Variants in FBXO36 observed in about 807,000 individuals in gnomAD.
The protein encoded by FBXO36 is F-box only protein 36.
FBXO36 carries 18 observed loss-of-function variants against 17.0 expected under a neutral mutation model. That is an observed-to-expected ratio of 1.06 (90% CI 0.73 to 1.57). The LOEUF (loss-of-function observed/expected upper bound fraction) is 1.57, where lower values mean the gene tolerates loss of function less well. FBXO36 is among the 40% of genes most tolerant of loss of function. The pLI, the probability that FBXO36 is intolerant of heterozygous loss-of-function variation, is 0.00. For missense variants in FBXO36, 229 were observed against 221.9 expected (o/e 1.03, Z -0.20); for synonymous variants, 83 against 85.3 (o/e 0.97, Z 0.15).
intron 1 of FBXO36, among the ~76,000 whole-genome samples, chr2:229,951,809 G>T (rs1446566914): frequency 6.6e-6 from 1 of 152,154 alleles, no homozygotes; most frequent in African/African-American, 2.4e-5. Flanking sequence ...TGGAAACAAG[G>T]AAAGATCTAG....
chr2:229,929,991 C>T (rs2076931303), intron 1 of FBXO36, among the ~76,000 whole-genome samples: 1 of 152,192 alleles, frequency 6.6e-6, no homozygotes, highest in Non-Finnish European at 1.5e-5. Context: ...AAGTCAGTAT[C>T]ATACTTGTGC....
intron 3 of FBXO36, among the ~76,000 whole-genome samples, chr2:230,000,500 A>G (rs139093855): frequency 0.025 from 3,736 of 151,988 alleles, 77 homozygotes; most frequent in Non-Finnish European, 0.039. Flanking sequence ...TTGATTTTCT[A>G]TCAAATCCTT....
At chr2:229,922,718 GC>G in intron 1 of FBXO36, 109 bp downstream of exon 1, 2 of 1,115,292 alleles carry the variant, frequency 1.8e-6, no homozygotes, top group Non-Finnish European at 2.6e-6. Flanking sequence ...CGCCGGAAGC[GC>G]CCAGTCCCGG....
At chr2:229,950,378 A>G (rs1233798975) in intron 1 of FBXO36, among the ~76,000 whole-genome samples, 2 of 152,154 alleles carry the variant, frequency 1.3e-5, no homozygotes, top group Non-Finnish European at 2.9e-5. Flanking sequence ...GTGAGCCGAG[A>G]TCACTCCACG....
chr2:229,978,318 C>T (rs1483954318), intron 2 of FBXO36, among the ~76,000 whole-genome samples: 1 of 149,364 alleles, frequency 6.7e-6, no homozygotes, highest in Non-Finnish European at 1.5e-5. Flanking sequence ...CACGGTGGCT[C>T]ACGCCTGTAA....
intron 2 of FBXO36, among the ~76,000 whole-genome samples, chr2:229,980,480 G>A (rs1179928233): frequency 6.6e-6 from 1 of 152,094 alleles, no homozygotes; most frequent in African/African-American, 2.4e-5. Context: ...CCTGGAGATG[G>A]GGATTTGGGC....
intron 2 of FBXO36, among the ~76,000 whole-genome samples, chr2:229,985,707 A>T (rs2077264750): frequency 6.6e-6 from 1 of 152,224 alleles, no homozygotes; most frequent in Admixed American, 6.5e-5. Context: ...ATGTTTTAAG[A>T]TTAAAAATTG....
chr2:229,956,267 T>G (rs1009107193), intron 1 of FBXO36, among the ~76,000 whole-genome samples: 1 of 152,228 alleles, frequency 6.6e-6, no homozygotes, highest in African/African-American at 2.4e-5. Context: ...TCTCCTTGGC[T>G]TTCAGATGGC....
intron 1 of FBXO36, among the ~76,000 whole-genome samples, chr2:229,969,733 CA>C (rs1443975121): frequency 6.6e-6 from 1 of 151,954 alleles, no homozygotes. Flanking sequence ...TGGACTTTGT[CA>C]AAATTAAAAA....
At chr2:229,958,705 A>G (rs1017707254) in intron 1 of FBXO36, among the ~76,000 whole-genome samples, 1 of 152,126 alleles carries the variant, frequency 6.6e-6, no homozygotes, top group Non-Finnish European at 1.5e-5. Flanking sequence ...TGCACTTGGG[A>G]GTGATGTCTC....
chr2:229,965,883 G>C (rs959847345), intron 1 of FBXO36, among the ~76,000 whole-genome samples: 3 of 152,026 alleles, frequency 2.0e-5, no homozygotes, highest in Admixed American at 1.3e-4. Flanking sequence ...CAATCCTTTG[G>C]GTATATACCC....
intron 2 of FBXO36, chr2:229,977,186 C>T (rs923063390): frequency 2.0e-5 from 3 of 151,990 alleles, no homozygotes; most frequent in African/African-American, 7.3e-5. Context: ...TTTGTAGAGC[C>T]AGGGTCTCAC....
intron 3 of FBXO36, among the ~76,000 whole-genome samples, chr2:229,998,888 T>C (rs2077342100): frequency 6.7e-6 from 1 of 148,658 alleles, no homozygotes; most frequent in Admixed American, 6.7e-5. Context: ...CTACAAGCTC[T>C]GCCTCCCAGG....
At chr2:229,950,614 G>A (rs1560437539) in intron 1 of FBXO36, among the ~76,000 whole-genome samples, 1 of 152,168 alleles carries the variant, frequency 6.6e-6, no homozygotes, top group Non-Finnish European at 1.5e-5. Flanking sequence ...CATGAGTCAG[G>A]TCAGCCTCCT....
At chr2:229,961,257 T>G (rs990427381) in intron 1 of FBXO36, among the ~76,000 whole-genome samples, 3 of 152,218 alleles carry the variant, frequency 2.0e-5, no homozygotes, top group African/African-American at 7.2e-5. Flanking sequence ...ACCAATATAT[T>G]TGTTTATTAT....
chr2:229,971,001 A>G (rs1185973682), intron 1 of FBXO36, among the ~76,000 whole-genome samples: 1 of 152,112 alleles, frequency 6.6e-6, no homozygotes, highest in African/African-American at 2.4e-5. Context: ...TTGCATCAAC[A>G]CACAAAAATT....
intron 2 of FBXO36, among the ~76,000 whole-genome samples, chr2:229,993,294 G>T (rs527968037): frequency 1.0e-3 from 156 of 152,210 alleles, no homozygotes; most frequent in African/African-American, 3.6e-3. Context: ...ATCTGAATAG[G>T]AAACACTGGT....
chr2:229,975,215 GTGTAA>G (rs1027337370), intron 1 of FBXO36, among the ~76,000 whole-genome samples: 18 of 152,030 alleles, frequency 1.2e-4, no homozygotes, highest in Admixed American at 7.2e-4. Flanking sequence ...GAAGTGTCCT[GTGTAA>G]TGACACTTTT....
intron 1 of FBXO36, among the ~76,000 whole-genome samples, chr2:229,947,950 T>C (rs139770302): frequency 1.3e-5 from 2 of 152,224 alleles, no homozygotes; most frequent in East Asian, 3.9e-4. Flanking sequence ...CTGAAAACCA[T>C]TTGGATTAGA....
Sources: allele counts gnomAD v4.1 joint callset (sites outside exome capture counted in the v4.1 genomes callset), GRCh38; gene constraint gnomAD v4.1.1; transcripts MANE v1.5; gene names NCBI Gene and HGNC (gene_info 2026-07-23, HGNC 2026-07-21).